Variants in DAB1 observed in about 807,000 individuals in gnomAD.
The protein encoded by DAB1 is DAB adaptor protein 1, also known as disabled homolog 1.
In DAB1, 15 loss-of-function variants were observed where a neutral mutation model predicts 64.6. The ratio of observed to expected loss-of-function variants is 0.23; its 90% CI spans 0.16 to 0.36. The LOEUF is 0.36. Ranked by LOEUF, DAB1 falls within the 10% of genes least tolerant of loss-of-function variation. DAB1 has a pLI of 1.00. For synonymous variants in DAB1, 235 were observed against 251.9 expected, an observed-to-expected ratio of 0.93 and a Z score of 0.64; for missense variants, 596 against 706.7, an observed-to-expected ratio of 0.84 and a Z score of 1.78.
chr1:57,722,093 C>T (rs1647157883), intron 6 of DAB1, among the ~76,000 whole-genome samples: 1 of 152,196 alleles, frequency 6.6e-6, no homozygotes, highest in Admixed American at 6.5e-5. Context: ...AACACACAGA[C>T]AATGTGACCA....
intron 5 of DAB1, among the ~76,000 whole-genome samples, chr1:57,910,116 G>T (rs1644618860): frequency 6.6e-6 from 1 of 152,150 alleles, no homozygotes; most frequent in South Asian, 2.1e-4. Context: ...AAAATCCCCA[G>T]CAAGGAAATG....
chr1:58,230,142 G>T (rs1041368127), intron 4 of DAB1, among the ~76,000 whole-genome samples: 7 of 152,130 alleles, frequency 4.6e-5, no homozygotes, highest in African/African-American at 1.7e-4. Flanking sequence ...TTGAAAAAAA[G>T]AACAAGGTGA....
intron 4 of DAB1, among the ~76,000 whole-genome samples, chr1:57,133,899 G>A (rs1168670157): frequency 6.6e-6 from 1 of 152,130 alleles, no homozygotes; most frequent in Non-Finnish European, 1.5e-5. Context: ...TCAGTCCCCT[G>A]CTGGGCAATG....
intron 6 of DAB1, among the ~76,000 whole-genome samples, chr1:57,805,091 G>A (rs1262619083): frequency 6.6e-6 from 1 of 152,086 alleles, no homozygotes. Flanking sequence ...GGCAGCATGT[G>A]GTATTGAGAT....
chr1:57,042,826 T>C (rs576679336), intron 9 of DAB1, among the ~76,000 whole-genome samples: 1 of 152,086 alleles, frequency 6.6e-6, no homozygotes, highest in South Asian at 2.1e-4. Flanking sequence ...TGTGCATGCA[T>C]GCACACATAC....
chr1:57,628,311 G>A (rs978026572), intron 7 of DAB1, among the ~76,000 whole-genome samples: 10 of 152,192 alleles, frequency 6.6e-5, no homozygotes, highest in African/African-American at 2.4e-4. Flanking sequence ...TAATTTTAGA[G>A]GTCGGGCTGA....
chr1:57,717,218 C>T (rs2101752944), intron 6 of DAB1, among the ~76,000 whole-genome samples: 1 of 150,716 alleles, frequency 6.6e-6, no homozygotes, highest in Admixed American at 6.6e-5. Context: ...GCCTGGGCGA[C>T]AGAGCGAGAC....
rs541539018 is a variant in DAB1 at position 58,539,225 on chromosome 1, TAGAC to T, written n.32+7474_32+7477del. 280 of 872,264 alleles carry T rather than the reference TAGAC, an allele frequency of 3.2e-4. 1 individual carries two copies. The African/African-American group carries it at 4.3e-3, about 13-fold the overall frequency. 54.0% of individuals were successfully genotyped at this position (872,264 alleles called of 1,614,324 possible). ...GCTAATGTGTTACATTTTCTCCAGT[TAGAC>T]AGTGAATTAAATCGGAAGAAAACAT... On this transcript the variant is annotated intron_variant and non_coding_transcript_variant, in intron 1 of 20. Transcript: ENST00000485760.
chr1:57,588,274 C>A (rs907119998), intron 7 of DAB1, among the ~76,000 whole-genome samples: 2 of 152,176 alleles, frequency 1.3e-5, no homozygotes, highest in Non-Finnish European at 2.9e-5. Context: ...TTAGACAGCA[C>A]CCCCCTACCA....
At chr1:57,459,308 C>T (rs796971907) in intron 7 of DAB1, among the ~76,000 whole-genome samples, 1 of 152,160 alleles carries the variant, frequency 6.6e-6, no homozygotes, top group East Asian at 1.9e-4. Flanking sequence ...ACCATCCTAT[C>T]ATATATGTAT....
chr1:58,329,883 C>T (rs996223535), intron 4 of DAB1, among the ~76,000 whole-genome samples: 1 of 152,150 alleles, frequency 6.6e-6, no homozygotes, highest in African/African-American at 2.4e-5. Context: ...TCTCCCTTTT[C>T]TAAGGCCTCC....
At chr1:58,080,921 A>C (rs1187411314) in intron 5 of DAB1, among the ~76,000 whole-genome samples, 1 of 152,246 alleles carries the variant, frequency 6.6e-6, no homozygotes, top group Non-Finnish European at 1.5e-5. Flanking sequence ...TGCTTAATTC[A>C]GAAGAACTAG....
chr1:57,106,018 C>T (rs751808075), intron 4 of DAB1, among the ~76,000 whole-genome samples: 3 of 152,126 alleles, frequency 2.0e-5, no homozygotes, highest in Admixed American at 2.0e-4. Context: ...CTGTAAGCCT[C>T]GGGATCCCGA....
intron 4 of DAB1, among the ~76,000 whole-genome samples, chr1:58,161,590 ATATATG>A (rs1220448380): frequency 1.3e-5 from 2 of 152,198 alleles, no homozygotes; most frequent in Non-Finnish European, 2.9e-5. Context: ...GTGATTAAAC[ATATATG>A]TATATGTATA....
intron 3 of DAB1, among the ~76,000 whole-genome samples, chr1:57,144,296 C>G (rs1025385052): frequency 6.6e-6 from 1 of 151,856 alleles, no homozygotes; most frequent in Non-Finnish European, 1.5e-5. Flanking sequence ...TATTTTATAA[C>G]TTTTTAAAAG....
chr1:58,169,387 G>A (rs529393855), intron 4 of DAB1, among the ~76,000 whole-genome samples: 15 of 152,262 alleles, frequency 9.9e-5, no homozygotes, highest in Non-Finnish European at 1.9e-4. Flanking sequence ...CCAAAACCAC[G>A]TGTGGTTTTG....
intron 6 of DAB1, among the ~76,000 whole-genome samples, chr1:57,791,224 T>G (rs1264363164): frequency 1.3e-5 from 2 of 152,192 alleles, no homozygotes; most frequent in African/African-American, 4.8e-5. Flanking sequence ...CCACCAGTTT[T>G]GAATTCCCAC....
At chr1:57,455,812 C>A (rs1402371939) in intron 7 of DAB1, among the ~76,000 whole-genome samples, 1 of 152,080 alleles carries the variant, frequency 6.6e-6, no homozygotes, top group Non-Finnish European at 1.5e-5. Flanking sequence ...AGCTGGGACC[C>A]AGGGCCACAG....
At chr1:57,918,099 A>AAATAAAT (rs1644755300) in intron 5 of DAB1, among the ~76,000 whole-genome samples, 1 of 150,572 alleles carries the variant, frequency 6.6e-6, no homozygotes, top group Non-Finnish European at 1.5e-5. Flanking sequence ...ATAAATAAAT[A>AAATAAAT]AATAAATATA....
Sources: allele counts gnomAD v4.1 joint callset (sites outside exome capture counted in the v4.1 genomes callset), GRCh38; gene constraint gnomAD v4.1.1; transcripts MANE v1.5; gene names NCBI Gene and HGNC (gene_info 2026-07-23, HGNC 2026-07-21).